The following ERC1 variants were observed in gnomAD, a reference collection of about 807,000 sequenced individuals.
The protein encoded by ERC1 is ELKS/RAB6-interacting/CAST family member 1.
ERC1 carries 56 observed loss-of-function variants against 132.0 expected under a neutral mutation model. The ratio of observed to expected loss-of-function variants is 0.42; its 90% CI spans 0.34 to 0.53. ERC1 has a LOEUF of 0.53. Among genes scored for constraint, ERC1 ranks in the 20% least tolerant of loss-of-function variants. ERC1 has a pLI of 0.03. For synonymous variants in ERC1, 478 were observed against 476.1 expected (o/e 1.00, Z -0.05); for missense variants, 1,202 against 1,349.9 (o/e 0.89, Z 1.72).
chr12:1,385,019 A>G (rs1404183991), intron 16 of ERC1, among the ~76,000 whole-genome samples: 1 of 152,230 alleles, frequency 6.6e-6, no homozygotes, highest in Non-Finnish European at 1.5e-5. Flanking sequence ...TTAAATCTAC[A>G]TATGCACTTT....
chr12:1,048,763 CTG>C (rs1971462252), intron 2 of ERC1, among the ~76,000 whole-genome samples: 1 of 152,174 alleles, frequency 6.6e-6, no homozygotes, highest in Non-Finnish European at 1.5e-5. Flanking sequence ...GATTTATAGT[CTG>C]TGCAAGACAT....
intron 2 of ERC1, among the ~76,000 whole-genome samples, chr12:1,047,485 C>G (rs1184669741): frequency 3.3e-5 from 5 of 151,934 alleles, no homozygotes; most frequent in African/African-American, 7.3e-5. Flanking sequence ...AAGGGGAAAT[C>G]ACTATTTTCG....
intron 8 of ERC1, among the ~76,000 whole-genome samples, chr12:1,175,387 A>G (rs1245440757): frequency 6.6e-6 from 1 of 152,048 alleles, no homozygotes; most frequent in Non-Finnish European, 1.5e-5. Context: ...TTCATCAACT[A>G]AGTTTATTAA....
chr12:991,125 G>A (rs138466662), upstream of ERC1: 1,773 of 151,638 alleles, frequency 0.012, 17 homozygotes, highest in South Asian at 0.052. Flanking sequence ...GGAAAGGGAG[G>A]CAGCCGAGCC....
chr12:1,471,245 C>T (rs1010346198), intron 18 of ERC1, among the ~76,000 whole-genome samples: 13 of 152,234 alleles, frequency 8.5e-5, no homozygotes, highest in South Asian at 2.1e-4. Flanking sequence ...AGCAACACAG[C>T]GAGACCCTTT....
intron 12 of ERC1, among the ~76,000 whole-genome samples, chr12:1,232,442 C>T (rs2075114694): frequency 6.6e-6 from 1 of 152,170 alleles, no homozygotes; most frequent in Admixed American, 6.5e-5. Context: ...TGCACATGCT[C>T]ATTCATTTAA....
At chr12:1,446,370 T>C (rs1051117929) in intron 18 of ERC1, among the ~76,000 whole-genome samples, 15 of 152,114 alleles carry the variant, frequency 9.9e-5, no homozygotes, top group Non-Finnish European at 1.8e-4. Flanking sequence ...GTTTTTGAAA[T>C]ATTAACTTAA....
At chr12:1,473,260 C>G (rs1202177808) in intron 18 of ERC1, among the ~76,000 whole-genome samples, 1 of 152,124 alleles carries the variant, frequency 6.6e-6, no homozygotes, top group East Asian at 1.9e-4. Flanking sequence ...AACTCCTGAC[C>G]TCGTGATCCA....
chr12:1,379,190 A>G (rs527743831), intron 16 of ERC1, among the ~76,000 whole-genome samples: 17 of 152,334 alleles, frequency 1.1e-4, no homozygotes, highest in African/African-American at 3.8e-4. Context: ...ACGTTTTACC[A>G]TAAGCAGCAA....
chr12:999,721 G>A (rs1469898582), intron 1 of ERC1, among the ~76,000 whole-genome samples: 3 of 145,274 alleles, frequency 2.1e-5, no homozygotes, highest in Non-Finnish European at 4.5e-5. Flanking sequence ...TCAGCCTCCC[G>A]AGTAGATGGG....
intron 7 of ERC1, among the ~76,000 whole-genome samples, chr12:1,118,409 A>G (rs1045132140): frequency 6.6e-6 from 1 of 152,138 alleles, no homozygotes; most frequent in African/African-American, 2.4e-5. Flanking sequence ...TGGGCTTGTG[A>G]TTGGTTTCTT....
chr12:1,131,021 T>A (rs1184865162), intron 7 of ERC1, among the ~76,000 whole-genome samples: 9 of 152,198 alleles, frequency 5.9e-5, no homozygotes, highest in African/African-American at 2.2e-4. Flanking sequence ...ACAGGAAAAT[T>A]GTAGAAAATA....
chr12:1,464,713 G>A (rs772679816), intron 18 of ERC1, among the ~76,000 whole-genome samples: 11 of 151,430 alleles, frequency 7.3e-5, no homozygotes, highest in Non-Finnish European at 1.3e-4. Flanking sequence ...TAAGAGACAG[G>A]GTTTCACCGT....
chr12:1,146,052 A>T (rs975491097), intron 8 of ERC1, among the ~76,000 whole-genome samples: 1 of 152,046 alleles, frequency 6.6e-6, no homozygotes, highest in African/African-American at 2.4e-5. Context: ...TTGGCTATGC[A>T]GGCTCTTTTT....
intron 17 of ERC1, among the ~76,000 whole-genome samples, chr12:1,418,774 A>G (rs1215429771): frequency 6.8e-6 from 1 of 147,720 alleles, no homozygotes; most frequent in Non-Finnish European, 1.5e-5. Context: ...GTGTAGTGGC[A>G]TGATCATAGC....
At chr12:1,316,511 A>G (rs1160831129) in intron 15 of ERC1, among the ~76,000 whole-genome samples, 1 of 152,228 alleles carries the variant, frequency 6.6e-6, no homozygotes, top group African/African-American at 2.4e-5. Flanking sequence ...CTCATATGAA[A>G]AAATATCTCT....
chr12:1,324,463 T>G (rs1254661839), intron 15 of ERC1, among the ~76,000 whole-genome samples: 1 of 152,202 alleles, frequency 6.6e-6, no homozygotes, highest in Non-Finnish European at 1.5e-5. Flanking sequence ...TTATCATTCA[T>G]GGACACCAAA....
At chr12:1,331,852 C>CT (rs138264636) in intron 15 of ERC1, among the ~76,000 whole-genome samples, 4,675 of 152,274 alleles carry the variant, frequency 0.031, 94 homozygotes, top group South Asian at 0.087. Context: ...TTGAGCCCAG[C>CT]TGTAGCTTTC....
At chr12:1,204,714 CAGAG>C (rs1351524037) in intron 12 of ERC1, among the ~76,000 whole-genome samples, 1 of 151,930 alleles carries the variant, frequency 6.6e-6, no homozygotes, top group Non-Finnish European at 1.5e-5. Context: ...TGTGAGTAGT[CAGAG>C]AGCAAGAACC....
Sources: allele counts gnomAD v4.1 joint callset (sites outside exome capture counted in the v4.1 genomes callset), GRCh38; gene constraint gnomAD v4.1.1; transcripts MANE v1.5; gene names NCBI Gene and HGNC (gene_info 2026-07-23, HGNC 2026-07-21).